The following OTOGL variants were observed in gnomAD, a reference collection of about 807,000 sequenced individuals.
The protein encoded by OTOGL is otogelin like, also known as otogelin-like protein.
In OTOGL, 285 loss-of-function variants were observed where a neutral mutation model predicts 318.5. The observed-to-expected ratio is 0.89, with a 90% CI of 0.81 to 0.99. The LOEUF is 0.99. Ranked by LOEUF, OTOGL falls within the 50% of genes least tolerant of loss-of-function variation. OTOGL has a pLI of 0.00. For missense variants in OTOGL, 2,899 were observed against 2,845.6 expected (o/e 1.02, Z -0.43); for synonymous variants, 987 against 936.5 (o/e 1.05, Z -0.99).
rs1479614301 is a variant in OTOGL at position 80,318,609 on chromosome 12, A to G, written c.3698A>G (p.Asn1233Ser). ...CAGAGTGGCCTTGTTCTGGGGGCCAATATGACCAGCAGAAGCGTTTTCTGT... is the reference window on the plus strand; with the variant it reads ...CAGAGTGGCCTTGTTCTGGGGGCCAGTATGACCAGCAGAAGCGTTTTCTGT... ...YGQSGLVLGANMTSRSVFCLP... is the reference protein window; with the variant it reads ...YGQSGLVLGASMTSRSVFCLP... Residue 1233 changes from asparagine to serine, a missense_variant, in exon 33 of 59, where the codon AAT (asparagine) becomes AGT (serine). Transcript: ENST00000547103. 4.1e-6 allele frequency: 6 copies of G among 1,460,592 alleles called. No individual in the cohort carries two copies. The highest frequency in any genetic ancestry group is 2.7e-5 in the Admixed American group (1 of 36,604). The allele number at this position is 1,460,592 out of a possible 1,614,324, so 90.5% of individuals were successfully genotyped here.
At chr12:80,356,750 C>G in intron 48 of OTOGL, 57 bp from the exon 49 acceptor site, 1 of 1,061,416 alleles carries the variant, frequency 9.4e-7, no homozygotes, top group Middle Eastern at 2.1e-4. Flanking sequence ...GAGGTAAACA[C>G]TATGTCATTT....
chr12:80,141,844 G>T (rs1871966432), intron 1 of OTOGL, among the ~76,000 whole-genome samples: 1 of 152,188 alleles, frequency 6.6e-6, no homozygotes, highest in South Asian at 2.1e-4. Flanking sequence ...GTAGTAGAAA[G>T]AGTATTTTTA....
At chr12:80,213,913 A>G (rs1877475670) in intron 4 of OTOGL, among the ~76,000 whole-genome samples, 4 of 152,214 alleles carry the variant, frequency 2.6e-5, no homozygotes, top group Admixed American at 1.3e-4. Flanking sequence ...CAGAGCACCA[A>G]TGGGTAGATA....
rs780839806 is a variant in OTOGL at position 80,367,653 on chromosome 12, A to G, written c.6424A>G (p.Ile2142Val). ...KYLEEDFCYA[I>V]ECLEEKDNHT... is the part of the protein sequence containing the mutation. The stretch of plus-strand genomic sequence containing the variant: ...TTTGGAAGAAGACTTTTGTTATGCT[A>G]TAGAGTGTCTGGAAGAAAAAGATAA... The change falls in exon 54 of 59, where the codon ATA becomes GTA. Residue 2142 changes from isoleucine (I) to valine (V), a missense_variant. Transcript: ENST00000547103. The G allele has an allele frequency of 5.3e-6, 8 of 1,507,786 alleles. No individual in the cohort carries two copies. The Admixed American group carries it at 1.3e-4, about 25-fold the overall frequency. 93.4% of individuals were successfully genotyped at this position (1,507,786 alleles called of 1,614,324 possible). A position where few individuals can be genotyped will look rare whatever the true frequency, so the allele number is the denominator to read the frequency against.
intron 26 of OTOGL, among the ~76,000 whole-genome samples, chr12:80,295,778 A>G (rs1239573330): frequency 6.6e-6 from 1 of 152,216 alleles, no homozygotes; most frequent in Non-Finnish European, 1.5e-5. Flanking sequence ...GTTGATGAGT[A>G]TGTTCGTTTT....
At chr12:80,368,388 C>CCA (rs1011790883) in intron 55 of OTOGL, 79 bp downstream of exon 55, 37 of 881,774 alleles carry the variant, frequency 4.2e-5, no homozygotes, top group Non-Finnish European at 5.2e-5. Context: ...AAATGTCCCC[C>CCA]CCCACACACA....
intron 1 of OTOGL, among the ~76,000 whole-genome samples, chr12:80,149,919 C>A (rs571781737): frequency 1.3e-5 from 2 of 152,302 alleles, no homozygotes; most frequent in African/African-American, 2.4e-5. Flanking sequence ...GGCTCATGCA[C>A]GGTGCGCGCA....
intron 1 of OTOGL, among the ~76,000 whole-genome samples, chr12:80,129,610 T>G (rs567167259): frequency 1.2e-4 from 18 of 149,968 alleles, no homozygotes; most frequent in African/African-American, 4.1e-4. Context: ...CACTATCTCA[T>G]TTTTTTTTTC....
chr12:80,353,060 A>G (rs1358019563), intron 45 of OTOGL, among the ~76,000 whole-genome samples: 2 of 152,194 alleles, frequency 1.3e-5, no homozygotes, highest in Non-Finnish European at 2.9e-5. Flanking sequence ...TTTATTTGTT[A>G]TACATCTGAT....
chr12:80,266,711 T>C, intron 21 of OTOGL, 95 bp downstream of exon 21: 2 of 1,259,322 alleles, frequency 1.6e-6, no homozygotes, highest in Non-Finnish European at 2.2e-6. Flanking sequence ...GAAAAAAATA[T>C]TTCTTATTGT....
At chr12:80,340,618 G>A (rs1888703139) in intron 43 of OTOGL, among the ~76,000 whole-genome samples, 1 of 152,112 alleles carries the variant, frequency 6.6e-6, no homozygotes, top group South Asian at 2.1e-4. Context: ...TCACCTTTAT[G>A]CTAACCAGGG....
Position 80,358,253 on chromosome 12 carries a change from G to A in OTOGL, c.6025G>A (p.Glu2009Lys), listed in dbSNP as rs1356014647. Residue 2009 changes from glutamate to lysine, a missense_variant, in exon 50 of 59, where the codon GAA becomes AAA. By Grantham distance (56) the Glu-to-Lys change is moderately conservative (BLOSUM62 1). Transcript: ENST00000547103. ...PCCFSPFCVCESCTKPVPLCH... is the reference protein window; with the variant it reads ...PCCFSPFCVCKSCTKPVPLCH... Reference sequence around the variant, plus strand: ...GGCTTCTTGTTTTACCTTAGTTTGTGAATCTTGCACCAAACCTGTTCCACT... The same window carrying A: ...GGCTTCTTGTTTTACCTTAGTTTGTAAATCTTGCACCAAACCTGTTCCACT... 1.2e-6 allele frequency: 2 copies of A among 1,608,564 alleles called. No individual in the cohort carries two copies. Among genetic ancestry groups the A allele is most frequent in the Admixed American group, 3.4e-5 (2 of 59,664 alleles).
intron 9 of OTOGL, among the ~76,000 whole-genome samples, chr12:80,235,856 A>T (rs996352768): frequency 3.3e-5 from 5 of 149,868 alleles, no homozygotes; most frequent in East Asian, 3.9e-4. Flanking sequence ...GTAATTTTTT[A>T]AAAAAACCTA....
At chr12:80,208,155 T>C (rs1211601262) in intron 1 of OTOGL, 1 of 506,704 alleles carries the variant, frequency 2.0e-6, no homozygotes, top group Non-Finnish European at 3.9e-6. Flanking sequence ...GCTTTTTCCT[T>C]TATAGACAAA....
intron 11 of OTOGL, among the ~76,000 whole-genome samples, chr12:80,249,620 T>C (rs1004626831): frequency 5.3e-5 from 8 of 152,150 alleles, no homozygotes; most frequent in African/African-American, 1.9e-4. Context: ...GTCTTTTTGT[T>C]TGTCTGTGCC....
intron 11 of OTOGL, among the ~76,000 whole-genome samples, chr12:80,243,588 C>G (rs12299346): frequency 6.6e-6 from 1 of 151,196 alleles, no homozygotes; most frequent in Non-Finnish European, 1.5e-5. Flanking sequence ...TTCCAAATTA[C>G]GTGTGATATT....
At chr12:80,299,938 A>C (rs1885650767) in intron 27 of OTOGL, among the ~76,000 whole-genome samples, 1 of 152,200 alleles carries the variant, frequency 6.6e-6, no homozygotes, top group Non-Finnish European at 1.5e-5. Flanking sequence ...GCCCTATCTA[A>C]TGAAAATGAA....
rs771364968 is a variant in OTOGL, at chr12:80,353,362, T to C, written c.5445T>C (p.Cys1815=). 2.5e-6 allele frequency: 4 copies of C among 1,597,522 alleles called. No homozygotes were observed. The African/African-American group carries it at 4.0e-5, about 16-fold the overall frequency. The change falls in exon 46 of 59, where the codon TGT becomes TGC. Residue 1815 remains cysteine, a synonymous_variant. Coordinates refer to ENST00000547103, the MANE Select transcript of OTOGL (RefSeq NM_001378609.3). ...SCPEGKEYQP[C]VRPCEARTCL... Reference sequence around the variant, plus strand: ...CAGAGGGGAAGGAATATCAACCCTGTGTGCGACCTTGTGAAGCAAGAACAT... The same window carrying C: ...CAGAGGGGAAGGAATATCAACCCTGCGTGCGACCTTGTGAAGCAAGAACAT...
intron 8 of OTOGL, among the ~76,000 whole-genome samples, chr12:80,231,800 A>ATT (rs763600811): frequency 7.1e-6 from 1 of 140,402 alleles, no homozygotes. Flanking sequence ...TGACCAACTA[A>ATT]TTTTTTTTTT....
Sources: allele counts gnomAD v4.1 joint callset (sites outside exome capture counted in the v4.1 genomes callset), GRCh38; gene constraint gnomAD v4.1.1; transcripts MANE v1.5; gene names NCBI Gene and HGNC (gene_info 2026-07-23, HGNC 2026-07-21).